The following NELL1 variants were observed in gnomAD, a reference collection of about 807,000 sequenced individuals.
NELL1 encodes neural EGFL like 1.
Under a neutral mutation model 107.4 loss-of-function variants are expected in NELL1, and 76 were observed. That is an observed-to-expected ratio of 0.71 (90% CI 0.59 to 0.86). NELL1 has a LOEUF of 0.86. Among genes scored for constraint, NELL1 ranks in the 40% least tolerant of loss-of-function variants. NELL1 has a pLI of 0.00. For missense variants in NELL1, 1,024 were observed against 1,005.5 expected, an observed-to-expected ratio of 1.02 and a Z score of -0.25; for synonymous variants, 353 against 341.2, an observed-to-expected ratio of 1.03 and a Z score of -0.38.
At chr11:20,883,566 A>G (rs1193948528) in intron 4 of NELL1, among the ~76,000 whole-genome samples, 1 of 152,228 alleles carries the variant, frequency 6.6e-6, no homozygotes, top group African/African-American at 2.4e-5. Flanking sequence ...AAATAGCCTT[A>G]TAGAAATCAT....
rs117487251 is a variant in NELL1, at chr11:21,205,612, G to A, written c.1427-23720G>A. ...CTCCCTGGCTTCAGCCCCCTTTCTA[G>A]TGGAGTCAACAGTTCTGTCTTGCCG... On this transcript the variant is annotated intron_variant, in intron 13 of 19. Coordinates refer to ENST00000357134, the MANE Select transcript of NELL1 (RefSeq NM_006157.5). Among the ~76,000 whole-genome samples, 885 of 152,272 alleles carry A rather than the reference G, an allele frequency of 5.8e-3. 9 individuals are homozygous for A. The highest frequency in any genetic ancestry group is 6.8e-3 in the Middle Eastern group (2 of 294).
At chr11:20,849,096 T>C (rs1848751238) in intron 4 of NELL1, among the ~76,000 whole-genome samples, 1 of 152,150 alleles carries the variant, frequency 6.6e-6, no homozygotes, top group South Asian at 2.1e-4. Flanking sequence ...TCTCTAGAAT[T>C]AAAGTGGCCT....
At chr11:21,022,672 G>A (rs1423866116) in intron 12 of NELL1, among the ~76,000 whole-genome samples, 1 of 152,064 alleles carries the variant, frequency 6.6e-6, no homozygotes, top group Admixed American at 6.6e-5. Context: ...TTGAGAGTTG[G>A]ACAATCCTAG....
intron 15 of NELL1, among the ~76,000 whole-genome samples, chr11:21,486,520 TTATACAAGC>T (rs1189699267): frequency 6.6e-6 from 1 of 152,086 alleles, no homozygotes; most frequent in Non-Finnish European, 1.5e-5. Context: ...GAAGTGACTG[TTATACAAGC>T]TATGCAGATG....
At chr11:21,171,358 C>A (rs941337347) in intron 13 of NELL1, among the ~76,000 whole-genome samples, 1 of 151,748 alleles carries the variant, frequency 6.6e-6, no homozygotes, top group Non-Finnish European at 1.5e-5. Context: ...TGTAATCTCA[C>A]GACAAGAAAT....
At chr11:21,028,077 T>C (rs1198620078) in intron 12 of NELL1, among the ~76,000 whole-genome samples, 2 of 152,068 alleles carry the variant, frequency 1.3e-5, no homozygotes, top group Non-Finnish European at 2.9e-5. Flanking sequence ...GAGCTGAAAA[T>C]AGAGTAAAAA....
chr11:21,016,792 G>A (rs1285009460), intron 12 of NELL1, among the ~76,000 whole-genome samples: 1 of 151,932 alleles, frequency 6.6e-6, no homozygotes, highest in East Asian at 1.9e-4. Context: ...AGCACCTAAG[G>A]TCATTTTCCA....
At chr11:21,044,424 C>A (rs1352998676) in intron 12 of NELL1, among the ~76,000 whole-genome samples, 1 of 152,072 alleles carries the variant, frequency 6.6e-6, no homozygotes, top group Non-Finnish European at 1.5e-5. Context: ...TGTTAAGCAA[C>A]GCATTTGAGA....
At chr11:20,775,141 T>G (rs1049149276) in intron 2 of NELL1, among the ~76,000 whole-genome samples, 5 of 152,184 alleles carry the variant, frequency 3.3e-5, no homozygotes, top group African/African-American at 1.2e-4. Context: ...TCAGAGAAGA[T>G]TTGGAAAATT....
chr11:20,768,035 T>TCCCGCA (rs1856568621), intron 2 of NELL1, among the ~76,000 whole-genome samples: 1 of 152,134 alleles, frequency 6.6e-6, no homozygotes, highest in Non-Finnish European at 1.5e-5. Context: ...AGGTGACGTT[T>TCCCGCA]GAGCTGAAGC....
chr11:20,967,079 A>T lies in NELL1; in HGVS notation c.1300+6519A>T, dbSNP rs147534231. ...TTTTATTTATTTTTTACCACGCTTC[A>T]TGCTTCAAAAATTTATTTGCAAGAT... On this transcript the variant is annotated intron_variant, in intron 12 of 19. Coordinates refer to ENST00000357134, the MANE Select transcript of NELL1 (RefSeq NM_006157.5). Among the ~76,000 whole-genome samples the T allele has an allele frequency of 2.1e-4, 32 of 152,222 alleles. 1 individual carries two copies. In the East Asian group the frequency reaches 4.4e-3, roughly 21 times the overall value.
intron 15 of NELL1, among the ~76,000 whole-genome samples, chr11:21,382,148 C>T (rs1851629676): frequency 6.6e-6 from 1 of 151,780 alleles, no homozygotes. Flanking sequence ...AATTTGGCAT[C>T]AGGAAACCTG....
intron 3 of NELL1, among the ~76,000 whole-genome samples, chr11:20,826,156 T>A (rs1312346482): frequency 6.6e-6 from 1 of 151,378 alleles, no homozygotes; most frequent in Non-Finnish European, 1.5e-5. Flanking sequence ...CAAACCTCTT[T>A]CTTTTATAAA....
chr11:20,779,967 A>G (rs2133978682), intron 2 of NELL1, among the ~76,000 whole-genome samples: 1 of 152,332 alleles, frequency 6.6e-6, no homozygotes, highest in East Asian at 1.9e-4. Flanking sequence ...TTCTGCCTGC[A>G]TATTGTAAGA....
intron 14 of NELL1, among the ~76,000 whole-genome samples, chr11:21,300,688 C>T (rs981551662): frequency 2.0e-5 from 3 of 151,974 alleles, no homozygotes; most frequent in African/African-American, 7.2e-5. Flanking sequence ...TGACACAATG[C>T]AGTTCAGGTT....
At chr11:20,992,477 G>A (rs745800771) in intron 12 of NELL1, among the ~76,000 whole-genome samples, 60 of 152,158 alleles carry the variant, frequency 3.9e-4, no homozygotes, top group Non-Finnish European at 7.2e-4. Flanking sequence ...TGTAGATTAG[G>A]AAAGGAGATC....
At chr11:21,224,419 C>A (rs867306201) in intron 13 of NELL1, among the ~76,000 whole-genome samples, 1 of 149,044 alleles carries the variant, frequency 6.7e-6, no homozygotes, top group Non-Finnish European at 1.5e-5. Flanking sequence ...GTAGATATGG[C>A]ACATCACCAT....
At chr11:20,985,344 G>A (rs1388371584) in intron 12 of NELL1, among the ~76,000 whole-genome samples, 1 of 152,116 alleles carries the variant, frequency 6.6e-6, no homozygotes, top group East Asian at 1.9e-4. Context: ...CCCACAGTTA[G>A]TACTCAATAA....
At chr11:21,317,046 T>G (rs984202411) in intron 14 of NELL1, among the ~76,000 whole-genome samples, 4 of 152,128 alleles carry the variant, frequency 2.6e-5, no homozygotes, top group Non-Finnish European at 4.4e-5. Context: ...ATGTAAACAT[T>G]TTATTGTCCT....
Sources: gnomAD v4.1 joint callset for allele counts (sites outside exome capture counted in the v4.1 genomes callset) on GRCh38, gnomAD v4.1.1 for gene constraint, MANE v1.5 for transcripts, NCBI Gene and HGNC (gene_info 2026-07-23, HGNC 2026-07-21) for gene names.